FRK: variants seen among roughly 807,000 people sequenced by gnomAD.
FRK encodes the protein tyrosine-protein kinase FRK.
Under a neutral mutation model 56.4 loss-of-function variants are expected in FRK, and 51 were observed. The observed-to-expected ratio is 0.90, with a 90% CI of 0.72 to 1.14. FRK has a LOEUF of 1.14. Ranked by LOEUF, FRK falls within the 50% of genes most tolerant of loss-of-function variation. The probability of loss-of-function intolerance (pLI) is 0.00; values close to 1 mark genes in which losing one functional copy is unlikely to be tolerated. For synonymous variants in FRK, 245 were observed against 217.9 expected (o/e 1.12, Z -1.10); for missense variants, 570 against 601.4 (o/e 0.95, Z 0.55).
At chr6:115,984,661 G>GT (rs1774324301) in intron 2 of FRK, among the ~76,000 whole-genome samples, 1 of 149,248 alleles carries the variant, frequency 6.7e-6, no homozygotes, top group Non-Finnish European at 1.5e-5. Flanking sequence ...TATTCCTCTT[G>GT]TTTTTTGTTT....
At chr6:115,979,834 G>A (rs1774131029) in intron 2 of FRK, among the ~76,000 whole-genome samples, 1 of 152,154 alleles carries the variant, frequency 6.6e-6, no homozygotes, top group Admixed American at 6.6e-5. Flanking sequence ...TAGCCTAGGA[G>A]CAATAGGCTA....
At chr6:115,948,947 G>A (rs560452407) in intron 5 of FRK, among the ~76,000 whole-genome samples, 2 of 152,268 alleles carry the variant, frequency 1.3e-5, no homozygotes, top group African/African-American at 4.8e-5. Flanking sequence ...CTTCAACTGT[G>A]AAGTAGGACT....
intron 2 of FRK, among the ~76,000 whole-genome samples, chr6:116,002,894 A>G (rs769286673): frequency 2.2e-4 from 34 of 152,170 alleles, no homozygotes; most frequent in Non-Finnish European, 2.2e-4. Flanking sequence ...TGTACCAAAT[A>G]CAGACAGCCT....
chr6:116,076,129 C>T, the FRK span, among the ~76,000 whole-genome samples: 13 of 152,062 alleles, frequency 8.5e-5, no homozygotes, highest in African/African-American at 3.1e-4. Context: ...TTCTAAGTGT[C>T]TTGCATATCT....
chr6:115,951,600 T>C (rs1221766403), intron 5 of FRK, among the ~76,000 whole-genome samples: 1 of 152,186 alleles, frequency 6.6e-6, no homozygotes, highest in Non-Finnish European at 1.5e-5. Context: ...TTTGGAGAAA[T>C]GTATTACAAA....
the FRK span, among the ~76,000 whole-genome samples, chr6:116,094,658 A>G: frequency 0.18 from 27,268 of 152,258 alleles, 2,933 homozygotes; most frequent in African/African-American, 0.29. Context: ...GTCTTACACT[A>G]CCAAAGCCGT....
At chr6:116,006,032 C>T (rs1775235538) in intron 1 of FRK, among the ~76,000 whole-genome samples, 1 of 152,130 alleles carries the variant, frequency 6.6e-6, no homozygotes, top group East Asian at 1.9e-4. Context: ...TATTACATCA[C>T]AGTTAAAATC....
the FRK span, among the ~76,000 whole-genome samples, chr6:116,098,545 T>C: frequency 6.6e-6 from 1 of 152,192 alleles, no homozygotes; most frequent in Admixed American, 6.5e-5. Context: ...TTAACATTAA[T>C]TACTTCCTTA....
Position 116,060,063 on chromosome 6 carries a change from T to C in FRK, c.249A>G (p.Arg83=). The C allele has an allele frequency of 6.2e-7, 1 of 1,614,190 alleles. No homozygotes were observed. Residue 83 remains arginine (R), a synonymous_variant, in exon 1 of 8, where the codon AGA becomes AGG. Transcript: ENST00000606080. ...AGCCATCTCGTCTTTTCTCCAAGTG[T>C]CTGGCAAACCACCAGCCCTCATGCA... ...DTLHEGWWFA[R]HLEKRRDGSS...
At chr6:116,025,572 A>G (rs894927156) in intron 1 of FRK, among the ~76,000 whole-genome samples, 1 of 152,100 alleles carries the variant, frequency 6.6e-6, no homozygotes. Context: ...AAATTAAACA[A>G]CTCTTTTCCA....
the FRK span, among the ~76,000 whole-genome samples, chr6:116,091,100 G>T: frequency 1.3e-5 from 2 of 152,162 alleles, no homozygotes; most frequent in Non-Finnish European, 2.9e-5. Flanking sequence ...AAAGTGAGAG[G>T]TGAAGCCAGT....
At chr6:115,993,818 AAAG>A (rs2114668967) in intron 2 of FRK, among the ~76,000 whole-genome samples, 1 of 152,124 alleles carries the variant, frequency 6.6e-6, no homozygotes, top group East Asian at 1.9e-4. Flanking sequence ...CTTTCTCCCC[AAAG>A]AGCATCTCAA....
chr6:116,044,316 C>T (rs910706069), intron 1 of FRK, among the ~76,000 whole-genome samples: 2 of 152,224 alleles, frequency 1.3e-5, no homozygotes, highest in African/African-American at 2.4e-5. Flanking sequence ...CCCTGATTAA[C>T]ATCAATGCGA....
intron 2 of FRK, among the ~76,000 whole-genome samples, chr6:115,986,001 A>T (rs1413969525): frequency 7.1e-6 from 1 of 139,990 alleles, no homozygotes; most frequent in Admixed American, 7.4e-5. Context: ...GTTGGGGGGG[A>T]ACAGTTATTT....
intron 1 of FRK, among the ~76,000 whole-genome samples, chr6:116,026,566 GGAAGGAAGGAAA>G (rs1429402705): frequency 1.3e-5 from 2 of 150,264 alleles, no homozygotes; most frequent in African/African-American, 4.9e-5. Context: ...AAGGAAGGAA[GGAAGGAAGGAAA>G]GACACGTGTA....
At position 115,968,696 on chromosome 6, in the gene FRK, C is replaced by T; in HGVS notation, c.510G>A (p.Leu170=). 6.2e-7 allele frequency: 1 copy of T among 1,613,878 alleles called. No individual in the cohort carries two copies. The highest frequency in any genetic ancestry group is 8.5e-7 in the Non-Finnish European group (1 of 1,179,840). The part of the protein sequence containing the change: ...AVVKHYRIKR[L]DEGGFFLTRR... ...GCGTGAGAAAAAATCCCCCTTCATCCAGTCTTTTAATTCTGTAGTGTTTTA... is the reference window on the plus strand; with the variant it reads ...GCGTGAGAAAAAATCCCCCTTCATCTAGTCTTTTAATTCTGTAGTGTTTTA... Residue 170 remains leucine (L), a synonymous_variant, in exon 3 of 8, where the codon CTG becomes CTA. Transcript: ENST00000606080.
intron 1 of FRK, among the ~76,000 whole-genome samples, chr6:116,046,470 T>A (rs982454199): frequency 6.6e-6 from 1 of 152,238 alleles, no homozygotes; most frequent in Admixed American, 6.5e-5. Context: ...GATGAGTTCA[T>A]ATCCTTTGCA....
At chr6:115,972,972 ATAT>A (rs1773865994) in intron 2 of FRK, among the ~76,000 whole-genome samples, 1 of 152,182 alleles carries the variant, frequency 6.6e-6, no homozygotes, top group Non-Finnish European at 1.5e-5. Context: ...CACGACAATA[ATAT>A]TATGTCATCT....
chr6:116,031,117 A>G lies in FRK; in HGVS notation c.345-27119T>C, dbSNP rs150400993. Among the ~76,000 whole-genome samples the G allele has an allele frequency of 8.9e-4, 136 of 152,264 alleles. No individual in the cohort carries two copies. In the Middle Eastern group the frequency reaches 0.014, roughly 15 times the overall value. ...TGCTATTCAAACATTAGAAAAATAA[A>G]AAGTGTAAGAAAGTCTAAATGCTAA... On this transcript the variant is annotated intron_variant, in intron 1 of 7. Coordinates refer to ENST00000606080, the MANE Select transcript of FRK (RefSeq NM_002031.3).
Sources: gnomAD v4.1 joint callset for allele counts (sites outside exome capture counted in the v4.1 genomes callset) on GRCh38, gnomAD v4.1.1 for gene constraint, MANE v1.5 for transcripts, NCBI Gene and HGNC (gene_info 2026-07-23, HGNC 2026-07-21) for gene names.